BMPER: variants seen among roughly 807,000 people sequenced by gnomAD.
BMPER encodes BMP binding endothelial regulator.
In BMPER, 45 loss-of-function variants were observed where a neutral mutation model predicts 87.3. The ratio of observed to expected loss-of-function variants is 0.52; its 90% CI spans 0.41 to 0.66. The LOEUF (loss-of-function observed/expected upper bound fraction) is 0.66, where lower values mean the gene tolerates loss of function less well. Among genes scored for constraint, BMPER ranks in the 30% least tolerant of loss-of-function variants. BMPER has a pLI of 0.00. For missense variants in BMPER, 784 were observed against 867.5 expected (o/e 0.90, Z 1.21); for synonymous variants, 326 against 316.2 (o/e 1.03, Z -0.33).
intron 3 of BMPER, among the ~76,000 whole-genome samples, chr7:33,966,202 A>T (rs1433224700): frequency 7.2e-5 from 11 of 152,208 alleles, no homozygotes; most frequent in African/African-American, 2.2e-4. Flanking sequence ...ACGAGGTTAT[A>T]CATTTTGGCC....
chr7:33,923,194 G>A (rs555121685), intron 2 of BMPER, among the ~76,000 whole-genome samples: 1 of 152,182 alleles, frequency 6.6e-6, no homozygotes, highest in Non-Finnish European at 1.5e-5. Context: ...GCCTCTGACT[G>A]TGGACTCTGT....
intron 6 of BMPER, among the ~76,000 whole-genome samples, chr7:33,991,718 A>G (rs1371176931): frequency 6.7e-6 from 1 of 149,960 alleles, no homozygotes; most frequent in Non-Finnish European, 1.5e-5. Context: ...TAGGGTGTCA[A>G]TTTTGGATCT....
chr7:33,944,618 G>A (rs1784839842), intron 3 of BMPER, among the ~76,000 whole-genome samples: 1 of 152,144 alleles, frequency 6.6e-6, no homozygotes, highest in Non-Finnish European at 1.5e-5. Flanking sequence ...AAGAAGGCAT[G>A]TTATCATCTC....
At chr7:34,063,777 A>G (rs1788503311) in intron 11 of BMPER, among the ~76,000 whole-genome samples, 1 of 152,198 alleles carries the variant, frequency 6.6e-6, no homozygotes, top group Non-Finnish European at 1.5e-5. Context: ...CTGGATGAGC[A>G]GAATAGAGTC....
chr7:34,100,519 T>A (rs551370012), intron 13 of BMPER, among the ~76,000 whole-genome samples: 1 of 152,156 alleles, frequency 6.6e-6, no homozygotes, highest in Non-Finnish European at 1.5e-5. Flanking sequence ...TGTGCACCCA[T>A]CCCAAAGGCT....
At chr7:33,938,410 A>G (rs759940328) in intron 3 of BMPER, among the ~76,000 whole-genome samples, 4 of 152,328 alleles carry the variant, frequency 2.6e-5, no homozygotes, top group South Asian at 4.1e-4. Flanking sequence ...CCCAAATCCA[A>G]TGTGACTTGT....
intron 13 of BMPER, among the ~76,000 whole-genome samples, chr7:34,102,536 C>A (rs1310347382): frequency 1.3e-5 from 2 of 152,156 alleles, no homozygotes; most frequent in African/African-American, 4.8e-5. Context: ...TGGTTTAGAC[C>A]AATCAAGGCC....
chr7:34,066,733 G>A (rs967925284), intron 11 of BMPER, among the ~76,000 whole-genome samples: 1 of 152,160 alleles, frequency 6.6e-6, no homozygotes, highest in Non-Finnish European at 1.5e-5. Flanking sequence ...TTCTTTGCTG[G>A]CAGGATATCT....
chr7:33,987,675 C>CT (rs915992825), intron 6 of BMPER, among the ~76,000 whole-genome samples: 2,760 of 148,180 alleles, frequency 0.019, 31 homozygotes, highest in Non-Finnish European at 0.027. Context: ...AATCCTACTA[C>CT]TTTTTTTTTT....
chr7:33,960,839 AT>A (rs1393509716), intron 3 of BMPER, among the ~76,000 whole-genome samples: 2 of 152,156 alleles, frequency 1.3e-5, no homozygotes, highest in Non-Finnish European at 1.5e-5. Flanking sequence ...GGTGCCTAGT[AT>A]TTTTTACCAA....
intron 12 of BMPER, among the ~76,000 whole-genome samples, chr7:34,080,805 C>T (rs1477811295): frequency 2.0e-5 from 3 of 152,320 alleles, no homozygotes; most frequent in Admixed American, 2.0e-4. Context: ...AGATGACTAA[C>T]AGCCTAAGAG....
intron 6 of BMPER, among the ~76,000 whole-genome samples, chr7:33,975,263 G>A (rs998028546): frequency 2.6e-5 from 4 of 152,108 alleles, no homozygotes. Flanking sequence ...GTTCTTTAGT[G>A]CAGCCAAATA....
intron 12 of BMPER, among the ~76,000 whole-genome samples, chr7:34,080,984 A>C (rs2127974965): frequency 6.6e-6 from 1 of 152,096 alleles, no homozygotes; most frequent in East Asian, 1.9e-4. Flanking sequence ...CCTTGAACTC[A>C]GTTTTACAAT....
intron 3 of BMPER, among the ~76,000 whole-genome samples, chr7:33,948,515 C>T (rs1210014763): frequency 6.6e-6 from 1 of 152,180 alleles, no homozygotes; most frequent in Non-Finnish European, 1.5e-5. Context: ...ACCCAAATCT[C>T]ATGTTGAATT....
chr7:34,074,676 C>T (rs572545190), intron 11 of BMPER, among the ~76,000 whole-genome samples: 45 of 152,182 alleles, frequency 3.0e-4, no homozygotes, highest in South Asian at 2.1e-3. Flanking sequence ...TGCAGTGATC[C>T]GTGTAGTAGC....
At chr7:34,143,946 A>G (rs186064220) in intron 14 of BMPER, among the ~76,000 whole-genome samples, 178 of 152,322 alleles carry the variant, frequency 1.2e-3, no homozygotes, top group African/African-American at 4.2e-3. Flanking sequence ...TTTCATGAGT[A>G]TAAGAGATGA....
In BMPER at chr7:34,095,927, C is replaced by CT. The variant is rs557703838; in HGVS notation, c.1745+9846dup. 2.0e-3 allele frequency among the ~76,000 whole-genome samples: 295 copies of CT among 147,360 alleles called. No homozygotes were observed. In the East Asian group the frequency reaches 0.032, roughly 16 times the overall value. ...AAAGGATCTAACGCTTCTGAATTTC[C>CT]TTTTTTTTTTTCATTATGAAATAGA... On this transcript the variant is annotated intron_variant, in intron 13 of 14. Coordinates refer to ENST00000649409, the MANE Select transcript of BMPER (RefSeq NM_001365308.1).
chr7:34,078,486 A>G (rs1221458565), intron 11 of BMPER, among the ~76,000 whole-genome samples: 1 of 152,130 alleles, frequency 6.6e-6, no homozygotes, highest in Non-Finnish European at 1.5e-5. Context: ...TGTTGCTCCC[A>G]TTTGTTTATT....
At chr7:34,129,614 G>GAA (rs1207633991) in intron 13 of BMPER, among the ~76,000 whole-genome samples, 1,999 of 47,754 alleles carry the variant, frequency 0.042, 61 homozygotes, top group East Asian at 0.063. Flanking sequence ...GAGAGAAAGA[G>GAA]AGAGAGAGAG....
Sources: gnomAD v4.1 joint callset for allele counts (sites outside exome capture counted in the v4.1 genomes callset) on GRCh38, gnomAD v4.1.1 for gene constraint, MANE v1.5 for transcripts, NCBI Gene and HGNC (gene_info 2026-07-23, HGNC 2026-07-21) for gene names.